The following PPOX variants were observed in gnomAD, a reference collection of about 807,000 sequenced individuals.
PPOX encodes variegate porphyria.
In PPOX, 23 loss-of-function variants were observed where a neutral mutation model predicts 54.1. The observed-to-expected ratio is 0.43, with a 90% confidence interval of 0.31 to 0.60. The LOEUF is 0.60. Ranked by LOEUF, PPOX falls within the 20% of genes least tolerant of loss-of-function variation. PPOX has a pLI of 0.13. For synonymous variants in PPOX, 224 were observed against 236.1 expected (o/e 0.95, Z 0.47); for missense variants, 512 against 601.1 (o/e 0.85, Z 1.55).
chr1:161,170,700 C>G lies in PPOX; in HGVS notation c.1179C>G (p.Ala393=). 6.2e-7 allele frequency: 1 copy of G among 1,614,062 alleles called. No individual in the cohort carries two copies. The highest frequency in any genetic ancestry group is 8.5e-7 in the Non-Finnish European group (1 of 1,180,022). Residue 393 remains alanine (A), a synonymous_variant, in exon 11 of 13, where the codon GCC becomes GCG. Coordinates refer to ENST00000367999, the MANE Select transcript of PPOX (RefSeq NM_001122764.3). ...VLSQELFQQR[A]QEAAATQLGL... is the part of the protein sequence containing the mutation. ...CTCAGGAGCTGTTTCAACAGCGGGCCCAGGAAGCAGCTGCTACACAATTAG... is the reference window on the plus strand; with the variant it reads ...CTCAGGAGCTGTTTCAACAGCGGGCGCAGGAAGCAGCTGCTACACAATTAG...
downstream of PPOX, chr1:161,171,268 A>C: frequency 6.3e-7 from 1 of 1,596,506 alleles, no homozygotes; most frequent in Non-Finnish European, 8.5e-7. Flanking sequence ...GCGGGGCAGC[A>C]AAGAGGCAAA....
rs141274934 is a variant in PPOX, at chr1:161,170,711, C to G, written c.1190C>G (p.Ala397Gly). ...ELFQQRAQEA[A>G]ATQLGLKEMP... ...TTTCAACAGCGGGCCCAGGAAGCAG[C>G]TGCTACACAATTAGGACTGAAGGAG... Residue 397 changes from alanine to glycine, a missense_variant, in exon 11 of 13, where the codon GCT becomes GGT. Ala to Gly is a moderately conservative substitution (Grantham distance 60). Coordinates refer to ENST00000367999, the MANE Select transcript of PPOX (RefSeq NM_001122764.3). 10 of 1,614,118 alleles carry G rather than the reference C, an allele frequency of 6.2e-6. No homozygotes were observed. Among genetic ancestry groups the G allele is most frequent in the Non-Finnish European group, 8.5e-6 (10 of 1,180,044 alleles).
At chr1:161,177,268 G>T, downstream of PPOX, 1 of 598,956 alleles carries the variant, frequency 1.7e-6, no homozygotes, top group Non-Finnish European at 2.9e-6. Context: ...CTACCTACTA[G>T]CAACGTGAGC....
chr1:161,166,007 C>G (rs962955248), upstream of PPOX: 1 of 811,044 alleles, frequency 1.2e-6, no homozygotes, highest in Non-Finnish European at 1.5e-6. Flanking sequence ...ACACTGGGTA[C>G]GTTGCCGGGC....
At chr1:161,176,062 C>G (rs778773765), downstream of PPOX, 32 of 1,613,948 alleles carry the variant, frequency 2.0e-5, 1 homozygote, top group South Asian at 3.4e-4. Context: ...CCGCAACATC[C>G]TGGGGGTGAG....
In PPOX at chr1:161,168,452, C is replaced by T. The variant is rs750133364; in HGVS notation, c.492C>T (p.Asp164=). The T allele has an allele frequency of 6.2e-6, 10 of 1,614,072 alleles. No homozygotes were observed. The Admixed American group carries it at 6.7e-5, about 11-fold the overall frequency. The change falls in exon 6 of 13, where the codon GAC becomes GAT. Residue 164 remains aspartate, a synonymous_variant. Coordinates refer to ENST00000367999, the MANE Select transcript of PPOX (RefSeq NM_001122764.3). ...LGPEVASLAM[D]SLCRGVFAGN... ...TTAAGGTGGCGTCTCTAGCCATGGA[C>T]AGTCTCTGCCGTGGAGTGTTTGCAG...
chr1:161,175,288 A>G, downstream of PPOX: 1 of 1,475,568 alleles, frequency 6.8e-7, no homozygotes, highest in South Asian at 1.2e-5. Flanking sequence ...GAATCAAACT[A>G]GGGTTTGGGA....
At chr1:161,167,076 A>AAG (rs1457721331) in intron 2 of PPOX, 24 bp from the exon 3 acceptor site, 6 of 1,613,902 alleles carry the variant, frequency 3.7e-6, no homozygotes, top group Non-Finnish European at 5.1e-6. Context: ...GCGGTGCTGC[A>AAG]GTGTCTCTCC....
rs781173466 is a variant in PPOX, at chr1:161,169,655, C to T, written c.808-5C>T. ...TGGGTCTCTCAAATGTTTTCATGCT[C>T]TCAGGTATCTCTAAGGGACAGCAGT... is the stretch of plus-strand genomic sequence containing the variant. On this transcript the variant is annotated splice_region_variant and splice_polypyrimidine_tract_variant and intron_variant, in intron 7 of 12. Transcript: ENST00000367999. The T allele has an allele frequency of 6.2e-7, 1 of 1,613,998 alleles. No homozygotes were observed. Among genetic ancestry groups the T allele is most frequent in the Non-Finnish European group, 8.5e-7 (1 of 1,179,838 alleles).
chr1:161,175,753 TC>T (rs1359276270), downstream of PPOX: 2 of 1,593,574 alleles, frequency 1.3e-6, no homozygotes, highest in Admixed American at 1.7e-5. Context: ...TCCCCAAGCC[TC>T]CCTGTCTCCG....
downstream of PPOX, chr1:161,172,421 T>A: frequency 8.8e-7 from 1 of 1,138,258 alleles, no homozygotes; most frequent in Non-Finnish European, 1.2e-6. Context: ...AAAAAACAAC[T>A]ATTACTTAGT....
At chr1:161,172,202 C>T, downstream of PPOX, 2 of 1,612,356 alleles carry the variant, frequency 1.2e-6, no homozygotes, top group South Asian at 2.2e-5. Context: ...GTAACAATTC[C>T]CAGGCAGTCC....
In PPOX at chr1:161,167,087, C is replaced by G. The variant is rs1659258579; in HGVS notation, c.88-13C>G. 1 of 1,614,124 alleles carries G rather than the reference C, an allele frequency of 6.2e-7. No individual in the cohort carries two copies. Among genetic ancestry groups the G allele is most frequent in the South Asian group, 1.1e-5 (1 of 91,094 alleles). ...ACAGGCGGTGCTGCAGTGTCTCTCC[C>G]TCTTGTCGCCAGGTGGTCCTAGTGG... On this transcript the variant is annotated splice_polypyrimidine_tract_variant and intron_variant, in intron 2 of 12. Transcript: ENST00000367999.
chr1:161,170,492 C>T lies in PPOX; in HGVS notation c.1071C>T (p.Asp357=), dbSNP rs775262677. Residue 357 remains aspartate, a synonymous_variant, in exon 10 of 13, where the codon GAC becomes GAT. Transcript: ENST00000367999. ...VYDSVAFPEQ[D]GSPPGLRVTV... ...ACTCAGTTGCTTTCCCTGAGCAGGA[C>T]GGGAGCCCCCCTGGCCTCAGAGTGA... 3.2e-5 allele frequency: 52 copies of T among 1,614,094 alleles called. No homozygotes were observed. The Admixed American group carries it at 3.7e-4, about 11-fold the overall frequency.
intron 7 of PPOX, 185 bp downstream of exon 7, chr1:161,169,368 A>C: frequency 1.3e-6 from 1 of 757,372 alleles, no homozygotes; most frequent in Non-Finnish European, 2.1e-6. Flanking sequence ...AGCCTATGCA[A>C]GTCTGTGGAT....
chr1:161,173,618 C>T (rs776066366), downstream of PPOX: 8 of 1,613,906 alleles, frequency 5.0e-6, no homozygotes, highest in African/African-American at 2.7e-5. Context: ...GTAGCAATGT[C>T]GTCATCCTCA....
intron 5 of PPOX, 107 bp downstream of exon 5, chr1:161,168,234 C>T: frequency 1.3e-6 from 2 of 1,574,982 alleles, no homozygotes; most frequent in South Asian, 2.2e-5. Flanking sequence ...TGGGGATGCC[C>T]TCTTCTCTTC....
rs757582341 is a variant in PPOX at position 161,170,531 on chromosome 1, G to A, written c.1098+12G>A. 3.1e-6 allele frequency: 5 copies of A among 1,614,188 alleles called. No individual in the cohort carries two copies. The South Asian group carries it at 5.5e-5, about 18-fold the overall frequency. ...GCCTCAGAGTGACTGTGAGGAGGAG[G>A]AAACTTTGCCTAGTGGCATTTCCAG... is the stretch of plus-strand genomic sequence containing the variant. On this transcript the variant is annotated intron_variant, in intron 10 of 12. Transcript: ENST00000367999.
At chr1:161,175,122 C>T (rs1663017838), downstream of PPOX, 1 of 1,613,848 alleles carries the variant, frequency 6.2e-7, no homozygotes. Flanking sequence ...GGGAGCGGGG[C>T]TCACAACCTG....
Sources: gnomAD v4.1 joint callset for allele counts on GRCh38, gnomAD v4.1.1 for gene constraint, MANE v1.5 for transcripts, NCBI Gene and HGNC (gene_info 2026-07-23, HGNC 2026-07-21) for gene names.